UGT2B11: variants seen among roughly 807,000 people sequenced by gnomAD.
UGT2B11 encodes the protein UDP glucuronosyltransferase family 2 member B11, also known as UDP-glucuronosyltransferase 2B11.
UGT2B11 carries 49 observed loss-of-function variants against 51.7 expected under a neutral mutation model. That is an observed-to-expected ratio of 0.95 (90% CI 0.75 to 1.20). UGT2B11 has a LOEUF of 1.20. Among genes scored for constraint, UGT2B11 ranks in the 50% most tolerant of loss-of-function variants. UGT2B11 has a pLI of 0.00. For missense variants in UGT2B11, 810 were observed against 622.1 expected (o/e 1.30, Z -3.21); for synonymous variants, 273 against 209.0 (o/e 1.31, Z -2.64).
upstream of UGT2B11, among the ~76,000 whole-genome samples, chr4:69,219,152 GA>G (rs954969267): frequency 1.1e-4 from 16 of 148,552 alleles, no homozygotes; most frequent in South Asian, 4.3e-4. Flanking sequence ...ATGTTGGTAT[GA>G]AAAAAAAAAC....
At position 69,209,279 on chromosome 4, in the gene UGT2B11, T is replaced by G. The variant is rs538450833; in HGVS notation, c.871-797A>C. ...TTGCCCTGAAATCACACTGTTAAATTGATGTGCTATTTCTAACTGCATGTG... is the reference window on the plus strand; with the variant it reads ...TTGCCCTGAAATCACACTGTTAAATGGATGTGCTATTTCTAACTGCATGTG... On this transcript the variant is annotated intron_variant, in intron 2 of 5. Transcript: ENST00000446444. 1.3e-4 allele frequency among the ~76,000 whole-genome samples: 19 copies of G among 151,782 alleles called. No homozygotes were observed. In the East Asian group the frequency reaches 3.7e-3, roughly 30 times the overall value.
rs367971286 is a variant in UGT2B11, at chr4:69,214,281, C to T, written c.442G>A (p.Val148Ile). The T allele has an allele frequency of 2.0e-5, 33 of 1,613,186 alleles. No homozygotes were observed. Among genetic ancestry groups the T allele is most frequent in the Middle Eastern group, 3.3e-4 (2 of 6,054 alleles). ...KKLQESRFDI[V>I]FADAVFPCGE... is the part of the protein sequence containing the mutation. ...CAGGGAAAAACAGCATCTGCAAAAACGATGTCAAATCTTGACTCTTGTAGT... is the reference window on the plus strand; with the variant it reads ...CAGGGAAAAACAGCATCTGCAAAAATGATGTCAAATCTTGACTCTTGTAGT... Residue 148 changes from valine to isoleucine, a missense_variant, in exon 1 of 6, where the codon GTT (valine) becomes ATT (isoleucine). By Grantham distance (29) the Val-to-Ile change is conservative (BLOSUM62 3). Coordinates refer to ENST00000446444, the MANE Select transcript of UGT2B11 (RefSeq NM_001073.3).
chr4:69,202,761 T>C (rs1721706371), intron 5 of UGT2B11, among the ~76,000 whole-genome samples: 1 of 151,738 alleles, frequency 6.6e-6, no homozygotes, highest in Non-Finnish European at 1.5e-5. Context: ...CCACATTGTT[T>C]TATGTTTCTT....
intron 5 of UGT2B11, among the ~76,000 whole-genome samples, chr4:69,202,204 T>G (rs1209178047): frequency 1.3e-5 from 2 of 151,698 alleles, no homozygotes; most frequent in Non-Finnish European, 2.9e-5. Flanking sequence ...TTGCTAACAA[T>G]TTTTGGACAC....
chr4:69,214,115 T>C lies in UGT2B11; in HGVS notation c.608A>G (p.Asp203Gly), dbSNP rs575833480. ...TACCCTCTCCATGAAAGTCATTTGATCACTTAATTTTGACATAACAATAGG... is the reference window on the plus strand; with the variant it reads ...TACCCTCTCCATGAAAGTCATTTGACCACTTAATTTTGACATAACAATAGG... ...YIPIVMSKLS[D>G]QMTFMERVKN... The change falls in exon 1 of 6, where the codon GAT becomes GGT. Residue 203 changes from aspartate to glycine, a missense_variant. By Grantham distance (94) the Asp-to-Gly change is moderately conservative. Coordinates refer to ENST00000446444, the MANE Select transcript of UGT2B11 (RefSeq NM_001073.3). 1 of 1,612,280 alleles carries C rather than the reference T, an allele frequency of 6.2e-7. No homozygotes were observed. The highest frequency in any genetic ancestry group is 1.7e-5 in the Admixed American group (1 of 59,732).
intron 3 of UGT2B11, among the ~76,000 whole-genome samples, chr4:69,207,272 T>A (rs1199827715): frequency 1.3e-5 from 2 of 151,648 alleles, no homozygotes; most frequent in Admixed American, 6.6e-5. Flanking sequence ...ATTTTGAAAC[T>A]CCAAAGCAAT....
chr4:69,220,830 A>G, the UGT2B11 span, among the ~76,000 whole-genome samples: 1 of 152,092 alleles, frequency 6.6e-6, no homozygotes, highest in African/African-American at 2.4e-5. Context: ...TCCTCTTTCA[A>G]CTGTTAATAA....
intron 5 of UGT2B11, among the ~76,000 whole-genome samples, chr4:69,203,227 G>A (rs867704584): frequency 6.6e-6 from 1 of 151,732 alleles, no homozygotes; most frequent in African/African-American, 2.4e-5. Context: ...TTTCTAAGAA[G>A]ATATATGAAT....
In UGT2B11 at chr4:69,204,496, A is replaced by G. The variant is rs375046767; in HGVS notation, c.1244T>C (p.Leu415Ser). Residue 415 changes from leucine (L) to serine (S), a missense_variant, in exon 5 of 6, where the codon TTG becomes TCG. By Grantham distance (145) the Leu-to-Ser change is moderately radical (BLOSUM62 -2). Transcript: ENST00000446444. ...TGTACTCGACATTGTGTTGAAGTCC[A>G]ATCTAACAGCTGCTCCCTTGGCCTT... ...HMKAKGAAVR[L>S]DFNTMSSTDL... 8 of 1,612,184 alleles carry G rather than the reference A, an allele frequency of 5.0e-6. No homozygotes were observed. In the African/African-American group the frequency reaches 9.4e-5, roughly 19 times the overall value.
At chr4:69,221,961 T>G in the UGT2B11 span, among the ~76,000 whole-genome samples, 5 of 152,144 alleles carry the variant, frequency 3.3e-5, no homozygotes, top group African/African-American at 9.7e-5. Context: ...TGGTTTGTTT[T>G]TTGTTGAACA....
rs1721600241 is a variant in UGT2B11, at chr4:69,200,311, AATTT to A, written c.*125_*128del. 1,253 of 996,650 alleles carry A rather than the reference AATTT, an allele frequency of 1.3e-3. No individual in the cohort carries two copies. The highest frequency in any genetic ancestry group is 1.3e-3 in the Admixed American group (31 of 23,608). The allele number at this position is 996,650 out of a possible 1,614,324, so 61.7% of individuals were successfully genotyped here. A position where few individuals can be genotyped will look rare whatever the true frequency, so the allele number is the denominator to read the frequency against. On this transcript the variant is annotated 3_prime_UTR_variant, in exon 6 of 6. Coordinates refer to ENST00000446444, the MANE Select transcript of UGT2B11 (RefSeq NM_001073.3). ...TTTTACTTGACAAGGTAGATTTGAAAATTTTTTTTTTTTTTTTTTTTTTGTCACA... is the reference window on the plus strand; with the variant it reads ...TTTTACTTGACAAGGTAGATTTGAAATTTTTTTTTTTTTTTTTTTGTCACA...
the UGT2B11 span, among the ~76,000 whole-genome samples, chr4:69,221,848 C>A: frequency 6.6e-6 from 1 of 152,226 alleles, no homozygotes; most frequent in African/African-American, 2.4e-5. Flanking sequence ...GCGCTTGCCC[C>A]AGGCACACTC....
In UGT2B11 at chr4:69,214,662, C is replaced by G. The variant is rs1448449207; in HGVS notation, c.61G>C (p.Gly21Arg). 1 of 1,613,026 alleles carries G rather than the reference C, an allele frequency of 6.2e-7. No homozygotes were observed. Among genetic ancestry groups the G allele is most frequent in the South Asian group, 1.1e-5 (1 of 91,046 alleles). ...CACACCAGCACTTTTCCACAACTCC[C>G]AGAGCTAAAGTAACAACTGAGATGT... The part of the protein sequence containing the change: ...LIHLSCYFSS[G>R]SCGKVLVWAA... The change falls in exon 1 of 6, where the codon GGG (glycine) becomes CGG (arginine). Residue 21 changes from glycine to arginine, a missense_variant. By Grantham distance (125) the Gly-to-Arg change is moderately radical. Coordinates refer to ENST00000446444, the MANE Select transcript of UGT2B11 (RefSeq NM_001073.3).
chr4:69,212,341 C>T (rs1223202689), intron 2 of UGT2B11, among the ~76,000 whole-genome samples: 2 of 151,524 alleles, frequency 1.3e-5, no homozygotes, highest in Non-Finnish European at 1.5e-5. Context: ...TTACTTTAAT[C>T]AACCCTACAT....
At chr4:69,204,222 C>T (rs370863037) in intron 5 of UGT2B11, 280 of 573,060 alleles carry the variant, frequency 4.9e-4, no homozygotes, top group Admixed American at 6.7e-4. Flanking sequence ...TAGAAAATTG[C>T]TTCACTAACT....
the UGT2B11 span, among the ~76,000 whole-genome samples, chr4:69,220,287 G>C: frequency 6.6e-6 from 1 of 152,084 alleles, no homozygotes; most frequent in Non-Finnish European, 1.5e-5. Flanking sequence ...CAGGGTACAG[G>C]TCTCCTCTTG....
At chr4:69,204,391 C>A in intron 5 of UGT2B11, 39 bp downstream of exon 5, 2 of 1,608,114 alleles carry the variant, frequency 1.2e-6, no homozygotes, top group Non-Finnish European at 1.7e-6. Flanking sequence ...GAGAAGCTGT[C>A]CACAAATACC....
In UGT2B11 at chr4:69,200,479, C is replaced by A. The variant is rs1721609545; in HGVS notation, c.1551G>T (p.Trp517Cys). ...CCTTCTTCCCTTTTCTAGCAAACTTCCAGAAACAAAACAGACAAAACTTTG... is the reference window on the plus strand; with the variant it reads ...CCTTCTTCCCTTTTCTAGCAAACTTACAGAAACAAAACAGACAAAACTTTG... ...IITKFCLFCF[W>C]KFARKGKKGK... Residue 517 changes from tryptophan (W) to cysteine (C), a missense_variant, in exon 6 of 6, where the codon TGG becomes TGT. Physicochemically the swap from Trp to Cys is radical, Grantham distance 215 (BLOSUM62 -2). Coordinates refer to ENST00000446444, the MANE Select transcript of UGT2B11 (RefSeq NM_001073.3). 6.2e-7 allele frequency: 1 copy of A among 1,611,702 alleles called. No individual in the cohort carries two copies. The highest frequency in any genetic ancestry group is 8.5e-7 in the Non-Finnish European group (1 of 1,178,692).
the UGT2B11 span, among the ~76,000 whole-genome samples, chr4:69,222,550 A>G: frequency 6.6e-6 from 1 of 152,200 alleles, no homozygotes; most frequent in East Asian, 1.9e-4. Flanking sequence ...CCACTCCTCC[A>G]GGGTCATTCA....
Sources: allele counts gnomAD v4.1 joint callset (sites outside exome capture counted in the v4.1 genomes callset), GRCh38; gene constraint gnomAD v4.1.1; transcripts MANE v1.5; gene names NCBI Gene and HGNC (gene_info 2026-07-23, HGNC 2026-07-21).